ARHGAP23: variants seen among roughly 807,000 people sequenced by gnomAD.
The protein encoded by ARHGAP23 is rho GTPase-activating protein 23.
ARHGAP23 carries 34 observed loss-of-function variants against 136.3 expected under a neutral mutation model. The observed-to-expected ratio is 0.25, with a 90% CI of 0.19 to 0.33. ARHGAP23 has a LOEUF of 0.33. Ranked by LOEUF, ARHGAP23 falls within the 10% of genes least tolerant of loss-of-function variation. The pLI is 1.00. For synonymous variants in ARHGAP23, 832 were observed against 920.5 expected (o/e 0.90, Z 1.74); for missense variants, 1,808 against 2,139.0 (o/e 0.85, Z 3.05).
chr17:38,488,190 G>T (rs2040199063), intron 17 of ARHGAP23, among the ~76,000 whole-genome samples: 1 of 152,176 alleles, frequency 6.6e-6, no homozygotes, highest in Non-Finnish European at 1.5e-5. Context: ...TTTTAGGCTT[G>T]AGCCACCTCA....
chr17:38,432,675 G>A (rs909743729), intron 1 of ARHGAP23, among the ~76,000 whole-genome samples: 1 of 150,428 alleles, frequency 6.6e-6, no homozygotes, highest in Non-Finnish European at 1.5e-5. Flanking sequence ...GCAAAATGTA[G>A]TCTTAAAAAA....
intron 1 of ARHGAP23, among the ~76,000 whole-genome samples, chr17:38,421,501 G>A (rs1027020828): frequency 6.6e-6 from 1 of 152,234 alleles, no homozygotes; most frequent in Non-Finnish European, 1.5e-5. Flanking sequence ...TTGCACCAGG[G>A]GAAGCTCCTA....
At chr17:38,474,115 T>C (rs1448921011) in intron 11 of ARHGAP23, among the ~76,000 whole-genome samples, 1 of 152,146 alleles carries the variant, frequency 6.6e-6, no homozygotes, top group East Asian at 1.9e-4. Context: ...GAGACTGGGT[T>C]TCACTATGTT....
At chr17:38,481,651 C>T (rs957122924) in intron 14 of ARHGAP23, among the ~76,000 whole-genome samples, 6 of 152,060 alleles carry the variant, frequency 3.9e-5, no homozygotes, top group Admixed American at 2.6e-4. Flanking sequence ...CCCAGCCACT[C>T]GGGAGGCTGG....
At chr17:38,438,450 T>A (rs1313851070) in intron 1 of ARHGAP23, among the ~76,000 whole-genome samples, 1 of 152,140 alleles carries the variant, frequency 6.6e-6, no homozygotes, top group African/African-American at 2.4e-5. Context: ...GCTTGGCCTC[T>A]TAAGGGATTG....
rs971226737 is a variant in ARHGAP23, at chr17:38,510,597, G to A, written c.4101G>A (p.Ser1367=). ...CGGCGGCGCTGGCCTCCCGGCCCTC[G>A]CGCATGGAGGCGCTGCGTCTAAGGC... is the stretch of plus-strand genomic sequence containing the variant. ...PPAAALASRP[S]RMEALRLRLR... is the part of the protein sequence containing the mutation. Residue 1367 remains serine (S), a synonymous_variant, in exon 24 of 24, where the codon TCG becomes TCA. Transcript: ENST00000622683. This position sits in a 1 kb window ranked among gnomAD's most constrained non-coding sequence, Gnocchi z 4.6. The A allele has an allele frequency of 7.8e-7, 1 of 1,279,956 alleles. No homozygotes were observed. The highest frequency in any genetic ancestry group is 9.8e-7 in the Non-Finnish European group (1 of 1,017,316). 79.3% of individuals were successfully genotyped at this position (1,279,956 alleles called of 1,614,324 possible).
upstream of ARHGAP23, among the ~76,000 whole-genome samples, chr17:38,425,328 C>T (rs890143809): frequency 6.6e-6 from 1 of 152,194 alleles, no homozygotes; most frequent in African/African-American, 2.4e-5. Context: ...GCCTTTTTCC[C>T]TATTCCCACT....
chr17:38,494,727 C>T (rs1372647852), intron 20 of ARHGAP23, among the ~76,000 whole-genome samples: 3 of 152,196 alleles, frequency 2.0e-5, no homozygotes, highest in Admixed American at 6.5e-5. Flanking sequence ...GGGCTGGGGT[C>T]GTAGTCATGG....
At chr17:38,447,437 G>GAAAAAAAAAAAAAAAAAA (rs71138625) in intron 1 of ARHGAP23, among the ~76,000 whole-genome samples, 1 of 25,644 alleles carries the variant, frequency 3.9e-5, no homozygotes. Flanking sequence ...GACTCCGTCT[G>GAAAAAAAAAAAAAAAAAA]AAAAAAAAAA....
At chr17:38,441,938 T>C (rs2038930354) in intron 1 of ARHGAP23, among the ~76,000 whole-genome samples, 1 of 151,730 alleles carries the variant, frequency 6.6e-6, no homozygotes, top group South Asian at 2.1e-4. Flanking sequence ...AGCTCCCCCC[T>C]TTTTCCCCAC....
chr17:38,455,294 A>T (rs1052014405), intron 1 of ARHGAP23, among the ~76,000 whole-genome samples: 3 of 152,166 alleles, frequency 2.0e-5, no homozygotes, highest in Admixed American at 2.0e-4. Flanking sequence ...CTCTTCAAGC[A>T]GGTGTGTGGT....
intron 2 of ARHGAP23, 124 bp from the exon 3 acceptor site, chr17:38,460,781 T>G: frequency 3.3e-6 from 5 of 1,529,962 alleles, no homozygotes; most frequent in Non-Finnish European, 3.5e-6. Context: ...CCTCCCCTGC[T>G]GGGCTACTTG....
intron 23 of ARHGAP23, among the ~76,000 whole-genome samples, chr17:38,507,318 G>C (rs1057492635): frequency 1.8e-4 from 13 of 71,428 alleles, no homozygotes; most frequent in African/African-American, 7.5e-4. Flanking sequence ...CTCTAGCCTG[G>C]TGCAAGGGTC....
rs776007965 is a variant in ARHGAP23 at position 38,482,081 on chromosome 17, A to C, written c.2689A>C (p.Lys897Gln). Residue 897 changes from lysine (K) to glutamine (Q), a missense_variant, in exon 15 of 24, where the codon AAG (lysine) becomes CAG (glutamine). Transcript: ENST00000622683. ...CATCAACATCATCAAGAAAAATAAG[A>C]AGGCCGCTCCGAGGGCGTTTGGGGT... Reference protein sequence around the residue: ...WGINIIKKNKKAAPRAFGVRL... With the variant: ...WGINIIKKNKQAAPRAFGVRL... 1.5e-5 allele frequency: 23 copies of C among 1,549,942 alleles called. No individual in the cohort carries two copies. In the African/African-American group the frequency reaches 3.0e-4, roughly 20 times the overall value.
rs368433264 is a variant in ARHGAP23 at position 38,464,793 on chromosome 17, G to A, written c.484-1374G>A. ...GCCCAGGCTGGGGTGGGCTGGCAGCGCCAGATGACAGCATCTGGGGGCCTC... is the reference window on the plus strand; with the variant it reads ...GCCCAGGCTGGGGTGGGCTGGCAGCACCAGATGACAGCATCTGGGGGCCTC... On this transcript the variant is annotated intron_variant, in intron 6 of 23. Transcript: ENST00000622683. Among the ~76,000 whole-genome samples, 27 of 152,300 alleles carry A rather than the reference G, an allele frequency of 1.8e-4. No homozygotes were observed. The East Asian group carries it at 4.5e-3, about 25-fold the overall frequency.
intron 1 of ARHGAP23, among the ~76,000 whole-genome samples, chr17:38,430,818 A>G (rs1167375536): frequency 6.6e-6 from 1 of 152,172 alleles, no homozygotes; most frequent in Non-Finnish European, 1.5e-5. Context: ...AATATATTCA[A>G]ATGAGCACTG....
intron 1 of ARHGAP23, among the ~76,000 whole-genome samples, chr17:38,437,090 A>G (rs899080375): frequency 4.6e-5 from 7 of 152,182 alleles, no homozygotes; most frequent in Non-Finnish European, 1.0e-4. Flanking sequence ...TGGAGTGGGC[A>G]AATAACTTCA....
chr17:38,442,024 A>G (rs936508843), intron 1 of ARHGAP23, among the ~76,000 whole-genome samples: 1 of 151,654 alleles, frequency 6.6e-6, no homozygotes, highest in African/African-American at 2.4e-5. Context: ...TGGCACAACC[A>G]TGGCTCACTG....
intron 1 of ARHGAP23, among the ~76,000 whole-genome samples, chr17:38,455,865 T>C (rs899533460): frequency 5.3e-5 from 8 of 152,158 alleles, no homozygotes; most frequent in African/African-American, 1.9e-4. Context: ...TCCTCTGGGC[T>C]CCCCAGGCCC....
Sources: gnomAD v4.1 joint callset for allele counts (sites outside exome capture counted in the v4.1 genomes callset) on GRCh38, gnomAD v4.1.1 for gene constraint, Gnocchi (gnomAD v3.1) non-coding constraint, MANE v1.5 for transcripts, NCBI Gene and HGNC (gene_info 2026-07-23, HGNC 2026-07-21) for gene names.